Variants in MYRFL observed in about 807,000 individuals in gnomAD.
The protein encoded by MYRFL is myelin regulatory factor-like protein.
A neutral mutation model predicts 109.4 loss-of-function variants in MYRFL; 88 were observed. The ratio of observed to expected loss-of-function variants is 0.80; its 90% confidence interval spans 0.68 to 0.96. MYRFL has a LOEUF of 0.96. MYRFL is among the 40% of genes least tolerant of loss of function. The probability of loss-of-function intolerance (pLI) is 0.00; values close to 1 mark genes in which losing one functional copy is unlikely to be tolerated. For synonymous variants in MYRFL, 324 were observed against 320.9 expected (o/e 1.01, Z -0.10); for missense variants, 957 against 954.9 (o/e 1.00, Z -0.03).
rs1176978428 is a variant in MYRFL, at chr12:69,952,906, A to C, written c.2375+20A>C. 6.7e-7 allele frequency: 1 copy of C among 1,497,782 alleles called. No homozygotes were observed. 92.8% of individuals were successfully genotyped at this position (1,497,782 alleles called of 1,614,324 possible). A position where few individuals can be genotyped will look rare whatever the true frequency, so the allele number is the denominator to read the frequency against. On this transcript the variant is annotated intron_variant, in intron 21 of 24. Transcript: ENST00000552032. ...GTGCGGGTAGGTAAGCCTCCCCAGCATGCCCTGGTTGTTTCTGGAATTTAC... is the reference window on the plus strand; with the variant it reads ...GTGCGGGTAGGTAAGCCTCCCCAGCCTGCCCTGGTTGTTTCTGGAATTTAC...
At chr12:69,929,198 G>T (rs369164517) in intron 15 of MYRFL, among the ~76,000 whole-genome samples, 4 of 152,286 alleles carry the variant, frequency 2.6e-5, no homozygotes, top group African/African-American at 9.6e-5. Context: ...TGGGTGGGGT[G>T]TAAGCTGTGG....
chr12:69,854,771 C>CT (rs1309103756), intron 1 of MYRFL, among the ~76,000 whole-genome samples: 4 of 152,148 alleles, frequency 2.6e-5, no homozygotes, highest in Non-Finnish European at 5.9e-5. Context: ...CTGATAAAGT[C>CT]TGGGCTTTTA....
At chr12:69,849,849 A>G (rs1422820949) in intron 1 of MYRFL, among the ~76,000 whole-genome samples, 2 of 152,206 alleles carry the variant, frequency 1.3e-5, no homozygotes, top group East Asian at 3.8e-4. Context: ...TAATCTAACC[A>G]GTGTTAATGG....
chr12:69,900,081 T>C (rs953994924), intron 10 of MYRFL, among the ~76,000 whole-genome samples: 6 of 151,996 alleles, frequency 3.9e-5, no homozygotes, highest in African/African-American at 1.2e-4. Flanking sequence ...CACTCTAGGG[T>C]TTCCTCATTT....
At chr12:69,936,065 T>C in intron 16 of MYRFL, 48 bp from the exon 17 acceptor site, 1 of 1,465,208 alleles carries the variant, frequency 6.8e-7, no homozygotes, top group Non-Finnish European at 9.0e-7. Context: ...TGGAAACAAA[T>C]CTGCCACATA....
chr12:69,891,299 C>G, intron 7 of MYRFL, 133 bp downstream of exon 7: 1 of 655,558 alleles, frequency 1.5e-6, no homozygotes, highest in South Asian at 3.4e-5. Context: ...AAATCTGCAA[C>G]TGGGTCAGCG....
chr12:69,925,571 TAGG>T (rs1161086619), intron 13 of MYRFL, among the ~76,000 whole-genome samples: 1 of 151,990 alleles, frequency 6.6e-6, no homozygotes, highest in Non-Finnish European at 1.5e-5. Flanking sequence ...GAGAGAAAGA[TAGG>T]AGGAGAGGTC....
intron 2 of MYRFL, among the ~76,000 whole-genome samples, chr12:69,864,648 CACACACACACACACACACACAA>C (rs766019692): frequency 0.38 from 16,909 of 44,740 alleles, 1,180 homozygotes; most frequent in Middle Eastern, 0.48. Context: ...CACACACACA[CACACACACACACACACACACAA>C]ACACACACAC....
chr12:69,944,942 T>A (rs1023915950), intron 19 of MYRFL, among the ~76,000 whole-genome samples: 3 of 152,098 alleles, frequency 2.0e-5, no homozygotes, highest in African/African-American at 7.2e-5. Flanking sequence ...ATGACTGTAT[T>A]AAATTACCAT....
intron 21 of MYRFL, among the ~76,000 whole-genome samples, chr12:69,953,563 G>C (rs1051058639): frequency 2.6e-5 from 4 of 152,118 alleles, no homozygotes; most frequent in Non-Finnish European, 5.9e-5. Flanking sequence ...CCGAGTTAAA[G>C]GTCAAGACCA....
chr12:69,934,219 C>G (rs1955374354), intron 16 of MYRFL, among the ~76,000 whole-genome samples: 1 of 152,170 alleles, frequency 6.6e-6, no homozygotes, highest in Admixed American at 6.5e-5. Flanking sequence ...ACTTGGCCCG[C>G]TGTGGTCAGC....
chr12:69,884,643 T>C (rs977556141), intron 5 of MYRFL, among the ~76,000 whole-genome samples: 3 of 152,324 alleles, frequency 2.0e-5, no homozygotes, highest in African/African-American at 2.4e-5. Context: ...GGCTAGTTAT[T>C]TCACATTCGA....
intron 1 of MYRFL, among the ~76,000 whole-genome samples, chr12:69,853,081 G>A (rs113042187): frequency 1.1e-4 from 16 of 152,284 alleles, no homozygotes; most frequent in Admixed American, 2.6e-4. Context: ...ATCATGGCCC[G>A]TTCTCAATGA....
chr12:69,893,299 T>C (rs1887027319), intron 7 of MYRFL, among the ~76,000 whole-genome samples: 1 of 152,264 alleles, frequency 6.6e-6, no homozygotes, highest in Non-Finnish European at 1.5e-5. Context: ...GATTTGTTTA[T>C]TATATTGTAT....
chr12:69,879,501 G>A (rs1433277245), intron 4 of MYRFL, 48 bp downstream of exon 4: 2 of 664,818 alleles, frequency 3.0e-6, no homozygotes, highest in African/African-American at 1.8e-5. Flanking sequence ...GGAAAGCCTC[G>A]GAGCAGCCTG....
At chr12:69,880,087 A>G in intron 4 of MYRFL, 114 bp from the exon 5 acceptor site, 1 of 603,990 alleles carries the variant, frequency 1.7e-6, no homozygotes, top group Non-Finnish European at 3.0e-6. Context: ...AAGGAACCTT[A>G]ACTAATTGGA....
At chr12:69,938,734 C>A (rs1955543380) in intron 19 of MYRFL, among the ~76,000 whole-genome samples, 2 of 152,122 alleles carry the variant, frequency 1.3e-5, no homozygotes, top group African/African-American at 4.8e-5. Context: ...AGCTCCCAGC[C>A]TGAGCGATGC....
chr12:69,906,455 A>G (rs979109185), intron 11 of MYRFL, among the ~76,000 whole-genome samples: 2 of 152,192 alleles, frequency 1.3e-5, no homozygotes, highest in Non-Finnish European at 2.9e-5. Context: ...GCACATGAAG[A>G]ACCTCAATGT....
intron 6 of MYRFL, among the ~76,000 whole-genome samples, chr12:69,890,327 T>G (rs1356571698): frequency 6.6e-6 from 1 of 152,226 alleles, no homozygotes; most frequent in Non-Finnish European, 1.5e-5. Flanking sequence ...ATGTGTTGAC[T>G]TCTCAACATC....
Sources: allele counts gnomAD v4.1 joint callset (sites outside exome capture counted in the v4.1 genomes callset), GRCh38; gene constraint gnomAD v4.1.1; transcripts MANE v1.5; gene names NCBI Gene and HGNC (gene_info 2026-07-23, HGNC 2026-07-21).